The following SCML4 variants were observed in gnomAD, a reference collection of about 807,000 sequenced individuals.
The protein encoded by SCML4 is sex comb on midleg-like protein 4.
SCML4 carries 34 observed loss-of-function variants against 41.1 expected under a neutral mutation model. The ratio of observed to expected loss-of-function variants is 0.83; its 90% CI spans 0.63 to 1.10. SCML4 has a LOEUF of 1.10. SCML4 is among the 50% of genes least tolerant of loss of function. The pLI is 0.00. For missense variants in SCML4, 522 were observed against 534.1 expected, an observed-to-expected ratio of 0.98 and a Z score of 0.22; for synonymous variants, 214 against 220.9, an observed-to-expected ratio of 0.97 and a Z score of 0.28.
At chr6:107,728,443 C>G (rs765001595) in intron 5 of SCML4, among the ~76,000 whole-genome samples, 1 of 152,112 alleles carries the variant, frequency 6.6e-6, no homozygotes, top group Non-Finnish European at 1.5e-5. Context: ...AAACCCGTCT[C>G]TACTAAAAAT....
chr6:107,727,144 T>C (rs1406367542), intron 5 of SCML4, among the ~76,000 whole-genome samples: 1 of 152,114 alleles, frequency 6.6e-6, no homozygotes, highest in Middle Eastern at 3.2e-3. Context: ...AGTAAAAGAA[T>C]CCAGCCACAA....
At chr6:107,742,454 C>A (rs1390752937) in intron 5 of SCML4, among the ~76,000 whole-genome samples, 1 of 152,116 alleles carries the variant, frequency 6.6e-6, no homozygotes, top group Non-Finnish European at 1.5e-5. Context: ...GAACACCAAA[C>A]AGATTTTAAC....
chr6:107,706,361 G>A (rs1773628132), intron 7 of SCML4, among the ~76,000 whole-genome samples: 1 of 152,202 alleles, frequency 6.6e-6, no homozygotes, highest in South Asian at 2.1e-4. Context: ...CCACTCTGTG[G>A]TTCTTGGTCT....
chr6:107,765,177 C>T (rs1483200333), intron 2 of SCML4, among the ~76,000 whole-genome samples: 1 of 152,152 alleles, frequency 6.6e-6, no homozygotes, highest in Non-Finnish European at 1.5e-5. Flanking sequence ...TCAAGAACTG[C>T]TTGGTGTGAT....
At chr6:107,744,052 G>A in intron 5 of SCML4, 1 of 152,214 alleles carries the variant, frequency 6.6e-6, no homozygotes, top group East Asian at 1.9e-4. Context: ...ACAGAAGAGG[G>A]TTCACCAAAT....
intron 2 of SCML4, among the ~76,000 whole-genome samples, chr6:107,756,507 G>A (rs1398918976): frequency 1.3e-5 from 2 of 152,186 alleles, no homozygotes; most frequent in African/African-American, 4.8e-5. Context: ...GCCCAGAGGA[G>A]CTTAAGGAAA....
At chr6:107,827,791 T>C (rs893476210), upstream of SCML4, among the ~76,000 whole-genome samples, 5 of 152,174 alleles carry the variant, frequency 3.3e-5, no homozygotes, top group Non-Finnish European at 5.9e-5. Context: ...GCAAGTTAAT[T>C]TGGGGGCGTC....
At chr6:107,747,034 C>CCCT in intron 3 of SCML4, 145 bp from the exon 4 acceptor site, 1 of 640,470 alleles carries the variant, frequency 1.6e-6, no homozygotes, top group Non-Finnish European at 2.7e-6. Context: ...GGGGTGGATT[C>CCCT]TTCCCAACTT....
intron 4 of SCML4, 183 bp from the exon 5 acceptor site, chr6:107,745,326 T>A: frequency 1.8e-6 from 1 of 553,304 alleles, no homozygotes; most frequent in Non-Finnish European, 3.2e-6. Context: ...GGACACCACA[T>A]TACATTTAGT....
intron 1 of SCML4, 52 bp from the exon 2 acceptor site, chr6:107,772,438 G>T: frequency 9.3e-7 from 1 of 1,071,322 alleles, no homozygotes. Flanking sequence ...GGTTTGTTTG[G>T]TTTGCAAGGC....
At chr6:107,834,138 G>A in the SCML4 span, among the ~76,000 whole-genome samples, 33 of 152,252 alleles carry the variant, frequency 2.2e-4, no homozygotes, top group Middle Eastern at 3.4e-3. Flanking sequence ...TCAAGTGGGG[G>A]TTCCCAGAAA....
intron 5 of SCML4, among the ~76,000 whole-genome samples, chr6:107,743,433 G>T (rs994175804): frequency 6.6e-6 from 1 of 152,210 alleles, no homozygotes; most frequent in Non-Finnish European, 1.5e-5. Flanking sequence ...TAACAATGAG[G>T]CAAGCATCTG....
rs187822625 is a variant in SCML4, at chr6:107,772,162, G to T, written c.156+10C>A. Reference sequence around the variant, plus strand: ...ATACCACTTTGGAGAAGGAGATGATGGAGCCGTACCTTGTACCCGGGTTTC... The same window carrying T: ...ATACCACTTTGGAGAAGGAGATGATTGAGCCGTACCTTGTACCCGGGTTTC... On this transcript the variant is annotated intron_variant, in intron 2 of 7. Coordinates refer to ENST00000369020, the MANE Select transcript of SCML4 (RefSeq NM_198081.5). 1,709 of 1,544,260 alleles carry T rather than the reference G, an allele frequency of 1.1e-3. 1 individual carries two copies. The highest frequency in any genetic ancestry group is 1.3e-3 in the Non-Finnish European group (1,534 of 1,143,460).
At chr6:107,752,348 T>C (rs1778765740) in intron 2 of SCML4, among the ~76,000 whole-genome samples, 1 of 151,898 alleles carries the variant, frequency 6.6e-6, no homozygotes, top group Admixed American at 6.6e-5. Context: ...TCTAGTAGAG[T>C]ATATGGTTCT....
chr6:107,716,536 C>A (rs1451269417), intron 6 of SCML4, among the ~76,000 whole-genome samples: 1 of 152,062 alleles, frequency 6.6e-6, no homozygotes, highest in African/African-American at 2.4e-5. Flanking sequence ...GGCCTCAAGC[C>A]CCCCTTTGCC....
intron 6 of SCML4, among the ~76,000 whole-genome samples, chr6:107,712,673 C>CAA (rs1774344916): frequency 6.6e-6 from 1 of 152,080 alleles, no homozygotes; most frequent in South Asian, 2.1e-4. Flanking sequence ...GCTCCTGATC[C>CAA]AAAGCACATA....
intron 6 of SCML4, among the ~76,000 whole-genome samples, chr6:107,715,611 G>GCT (rs1774698205): frequency 6.6e-6 from 1 of 152,168 alleles, no homozygotes; most frequent in African/African-American, 2.4e-5. Flanking sequence ...ACAAGGAAGA[G>GCT]CTCTCAAACT....
chr6:107,755,641 T>C, intron 2 of SCML4: 1 of 1,331,172 alleles, frequency 7.5e-7, no homozygotes, highest in East Asian at 4.7e-5. Flanking sequence ...GCAGGGCATT[T>C]GTCTTTGTTG....
upstream of SCML4, among the ~76,000 whole-genome samples, chr6:107,825,953 A>G (rs1446593961): frequency 8.0e-5 from 12 of 149,242 alleles, no homozygotes; most frequent in East Asian, 5.9e-4. Flanking sequence ...AAAAAAAAAA[A>G]AAAGAAAATA....
Sources: allele counts gnomAD v4.1 joint callset (sites outside exome capture counted in the v4.1 genomes callset), GRCh38; gene constraint gnomAD v4.1.1; transcripts MANE v1.5; gene names NCBI Gene and HGNC (gene_info 2026-07-23, HGNC 2026-07-21).